The following CADM2 variants were observed in gnomAD, a reference collection of about 807,000 sequenced individuals.
CADM2 encodes the protein cell adhesion molecule 2, also known as immunoglobulin superfamily member 4D.
In CADM2, 12 loss-of-function variants were observed where a neutral mutation model predicts 49.8. The observed-to-expected ratio is 0.24, with a 90% confidence interval of 0.15 to 0.39. The LOEUF (loss-of-function observed/expected upper bound fraction) is 0.39, where lower values mean the gene tolerates loss of function less well. CADM2 is among the 10% of genes least tolerant of loss of function. The pLI is 1.00. For missense variants in CADM2, 378 were observed against 492.3 expected (o/e 0.77, Z 2.20); for synonymous variants, 214 against 175.4 (o/e 1.22, Z -1.74).
At chr3:86,034,518 G>T (rs577467785) in intron 8 of CADM2, among the ~76,000 whole-genome samples, 3 of 152,148 alleles carry the variant, frequency 2.0e-5, no homozygotes, top group East Asian at 1.9e-4. Flanking sequence ...GCAGCTCACA[G>T]AACCGTGAGA....
chr3:85,398,828 C>G (rs1029170479), intron 1 of CADM2, among the ~76,000 whole-genome samples: 4 of 152,150 alleles, frequency 2.6e-5, no homozygotes, highest in Non-Finnish European at 5.9e-5. Context: ...CTGTTCATAT[C>G]CTTTGCCCAG....
chr3:85,988,457 CTG>C (rs995566192), intron 8 of CADM2, among the ~76,000 whole-genome samples: 15 of 152,104 alleles, frequency 9.9e-5, no homozygotes, highest in African/African-American at 3.6e-4. Context: ...TATGACAACA[CTG>C]TTTCTTAAAT....
At chr3:85,061,747 T>C (rs780323832) in intron 1 of CADM2, among the ~76,000 whole-genome samples, 1 of 152,126 alleles carries the variant, frequency 6.6e-6, no homozygotes, top group Non-Finnish European at 1.5e-5. Flanking sequence ...TAGATACATA[T>C]AATGTGAGTA....
chr3:85,996,967 C>G (rs1729510841), intron 8 of CADM2, among the ~76,000 whole-genome samples: 1 of 152,200 alleles, frequency 6.6e-6, no homozygotes, highest in African/African-American at 2.4e-5. Flanking sequence ...TATCCCCATT[C>G]TGGCCCTGAA....
intron 1 of CADM2, among the ~76,000 whole-genome samples, chr3:85,504,631 G>C (rs563400553): frequency 2.0e-5 from 3 of 152,312 alleles, no homozygotes; most frequent in South Asian, 4.1e-4. Context: ...ATACCTCACC[G>C]GGGCTGCAGG....
chr3:85,922,998 T>A lies in CADM2; in HGVS notation c.700+10455T>A, dbSNP rs558249363. Among the ~76,000 whole-genome samples, 4 of 151,844 alleles carry A rather than the reference T, an allele frequency of 2.6e-5. No homozygotes were observed. The South Asian group carries it at 8.3e-4, about 32-fold the overall frequency. ...CACCACACCCAGCTAATTTTTTGTA[T>A]TTTTTTAGTAGAGACAGGGTTTCAC... On this transcript the variant is annotated intron_variant, in intron 6 of 9. Transcript: ENST00000383699.
intron 1 of CADM2, among the ~76,000 whole-genome samples, chr3:85,644,613 T>G (rs1383645748): frequency 6.6e-6 from 1 of 152,148 alleles, no homozygotes; most frequent in Non-Finnish European, 1.5e-5. Context: ...CTTCTTGAGA[T>G]GACACTCAGA....
chr3:85,610,479 A>G (rs578238526), intron 1 of CADM2, among the ~76,000 whole-genome samples: 1 of 152,112 alleles, frequency 6.6e-6, no homozygotes, highest in Admixed American at 6.6e-5. Context: ...AAAATGATCA[A>G]TATTCAAAAT....
chr3:86,011,663 C>G (rs1731530105), intron 8 of CADM2, among the ~76,000 whole-genome samples: 1 of 152,106 alleles, frequency 6.6e-6, no homozygotes, highest in Non-Finnish European at 1.5e-5. Context: ...ACAATTGGGA[C>G]AGCCAATGCC....
intron 1 of CADM2, among the ~76,000 whole-genome samples, chr3:85,241,622 A>G (rs2042531184): frequency 2.0e-5 from 3 of 151,610 alleles, no homozygotes; most frequent in Admixed American, 6.6e-5. Flanking sequence ...AGGTAAAATG[A>G]TTTAGGTTAA....
At chr3:85,099,972 GT>G (rs573467862) in intron 1 of CADM2, among the ~76,000 whole-genome samples, 245 of 150,926 alleles carry the variant, frequency 1.6e-3, no homozygotes, top group Middle Eastern at 3.5e-3. Context: ...ATTCCATACT[GT>G]TTTTTTTTCC....
intron 1 of CADM2, among the ~76,000 whole-genome samples, chr3:85,094,655 TATTGGTCAACAGCTTC>T (rs2037727253): frequency 1.3e-5 from 2 of 152,268 alleles, no homozygotes; most frequent in East Asian, 3.9e-4. Context: ...ATTATGCAAA[TATTGGTCAACAGCTTC>T]ATTATGAAAC....
intron 1 of CADM2, among the ~76,000 whole-genome samples, chr3:85,207,050 ATG>A (rs3085116): frequency 0.027 from 3,944 of 144,808 alleles, 57 homozygotes; most frequent in East Asian, 0.049. Context: ...GAAGAAATAA[ATG>A]TGTGTGTGTG....
At chr3:85,599,951 T>G (rs1308425695) in intron 1 of CADM2, among the ~76,000 whole-genome samples, 1 of 151,914 alleles carries the variant, frequency 6.6e-6, no homozygotes, top group Non-Finnish European at 1.5e-5. Flanking sequence ...AGGACAACTC[T>G]GGAAATTTTA....
chr3:85,454,121 G>A (rs1044001353), intron 1 of CADM2, among the ~76,000 whole-genome samples: 3 of 152,080 alleles, frequency 2.0e-5, no homozygotes, highest in South Asian at 2.1e-4. Context: ...TTGGGAGGCC[G>A]AGACGGGCAG....
Position 85,672,385 on chromosome 3 carries a change from G to C in CADM2, c.62-54137G>C, listed in dbSNP as rs2065769387. ...TTTTTTGTATTTTTAGTAGAGACGG[G>C]GTTTCACCGTGTTAACCGGGATGGT... On this transcript the variant is annotated intron_variant, in intron 1 of 9. Coordinates refer to ENST00000383699, the MANE Select transcript of CADM2 (RefSeq NM_001167675.2). 2.0e-5 allele frequency among the ~76,000 whole-genome samples: 3 copies of C among 151,698 alleles called. No individual in the cohort carries two copies. In the South Asian group the frequency reaches 6.2e-4, roughly 32 times the overall value.
At chr3:85,653,085 C>A (rs1266751947) in intron 1 of CADM2, among the ~76,000 whole-genome samples, 2 of 151,664 alleles carry the variant, frequency 1.3e-5, no homozygotes, top group Non-Finnish European at 2.9e-5. Flanking sequence ...ACTTGGAAAT[C>A]TTTAAAAATG....
intron 1 of CADM2, among the ~76,000 whole-genome samples, chr3:85,235,492 G>C (rs1576181303): frequency 6.6e-6 from 1 of 152,000 alleles, no homozygotes; most frequent in Non-Finnish European, 1.5e-5. Flanking sequence ...GAATTAATTG[G>C]TAGAGTTACA....
Position 85,749,782 on chromosome 3 carries a change from C to T in CADM2, c.88+23234C>T, listed in dbSNP as rs73142859. The stretch of plus-strand genomic sequence containing the variant: ...TAAATGTGTTGTGAATTCTACCATT[C>T]CTTTTGTTTTATTTTCAAGTGCTAA... On this transcript the variant is annotated intron_variant, in intron 2 of 9. Transcript: ENST00000383699. Among the ~76,000 whole-genome samples the T allele has an allele frequency of 6.4e-3, 974 of 151,946 alleles. 6 individuals are homozygous for T. The highest frequency in any genetic ancestry group is 0.014 in the Middle Eastern group (4 of 294).
Sources: allele counts gnomAD v4.1 joint callset (sites outside exome capture counted in the v4.1 genomes callset), GRCh38; gene constraint gnomAD v4.1.1; transcripts MANE v1.5; gene names NCBI Gene and HGNC (gene_info 2026-07-23, HGNC 2026-07-21).